JAK2: variants seen among roughly 807,000 people sequenced by gnomAD.
JAK2 encodes Janus kinase 2.
JAK2 carries 86 observed loss-of-function variants against 139.3 expected under a neutral mutation model. The ratio of observed to expected loss-of-function variants is 0.62; its 90% confidence interval spans 0.52 to 0.74. The LOEUF (loss-of-function observed/expected upper bound fraction) is 0.74. JAK2 is among the 30% of genes least tolerant of loss of function. The pLI is 0.00. For missense variants in JAK2, 1,421 were observed against 1,360.3 expected (o/e 1.04, Z -0.70); for synonymous variants, 490 against 437.7 (o/e 1.12, Z -1.49).
At chr9:4,994,815 A>G (rs1268663917) in intron 2 of JAK2, among the ~76,000 whole-genome samples, 2 of 152,192 alleles carry the variant, frequency 1.3e-5, no homozygotes, top group African/African-American at 4.8e-5. Flanking sequence ...CCTTTGGAAC[A>G]AAACTCTCTG....
intron 22 of JAK2, among the ~76,000 whole-genome samples, chr9:5,104,002 A>G (rs1821746477): frequency 6.6e-6 from 1 of 152,210 alleles, no homozygotes; most frequent in Admixed American, 6.5e-5. Flanking sequence ...ATCACAATTA[A>G]AAGAACTACA....
At chr9:5,123,211 C>A in intron 23 of JAK2, 90 bp downstream of exon 23, 1 of 748,520 alleles carries the variant, frequency 1.3e-6, no homozygotes, top group Non-Finnish European at 2.3e-6. Context: ...TTGCTACATG[C>A]ATACATTGCA....
intron 14 of JAK2, among the ~76,000 whole-genome samples, chr9:5,075,906 TG>T (rs1468140877): frequency 2.0e-5 from 3 of 152,156 alleles, no homozygotes; most frequent in Non-Finnish European, 4.4e-5. Context: ...ATAGCATTCA[TG>T]GTTCATGGAA....
At chr9:5,018,623 GC>G (rs1822220932) in intron 2 of JAK2, among the ~76,000 whole-genome samples, 2 of 152,208 alleles carry the variant, frequency 1.3e-5, no homozygotes, top group African/African-American at 4.8e-5. Flanking sequence ...ACAGGCTTGA[GC>G]CACTGTGCCT....
At chr9:4,992,579 T>C (rs1248207040) in intron 2 of JAK2, among the ~76,000 whole-genome samples, 1 of 152,200 alleles carries the variant, frequency 6.6e-6, no homozygotes, top group Middle Eastern at 3.2e-3. Context: ...GAGCTTCTCC[T>C]CAAAGGTCCC....
chr9:5,104,721 G>A (rs545293075), intron 22 of JAK2, among the ~76,000 whole-genome samples: 45 of 152,248 alleles, frequency 3.0e-4, no homozygotes, highest in African/African-American at 9.6e-4. Flanking sequence ...CGATCAAGTC[G>A]GCTTCATCCC....
At chr9:5,005,733 A>T (rs1587815212) in intron 2 of JAK2, among the ~76,000 whole-genome samples, 1 of 152,194 alleles carries the variant, frequency 6.6e-6, no homozygotes, top group African/African-American at 2.4e-5. Flanking sequence ...TATAAGCTCA[A>T]TGTTTCTTCC....
At chr9:5,014,036 C>T (rs1026399036) in intron 2 of JAK2, among the ~76,000 whole-genome samples, 1 of 151,856 alleles carries the variant, frequency 6.6e-6, no homozygotes, top group Non-Finnish European at 1.5e-5. Flanking sequence ...AGTTGTGTCT[C>T]TTAGAATTAT....
At chr9:5,069,752 A>G (rs2130527213) in intron 11 of JAK2, among the ~76,000 whole-genome samples, 173 bp from the exon 12 acceptor site, 2 of 152,300 alleles carry the variant, frequency 1.3e-5, no homozygotes, top group South Asian at 4.1e-4. Context: ...CTAAGAAGAA[A>G]TATCAAAGTT....
chr9:5,000,060 CT>C (rs2129826415), intron 2 of JAK2, among the ~76,000 whole-genome samples: 1 of 151,950 alleles, frequency 6.6e-6, no homozygotes, highest in South Asian at 2.1e-4. Flanking sequence ...GTTTTCATTT[CT>C]TTTGTGAAAT....
rs1353496335 is a variant in JAK2 at position 5,126,693 on chromosome 9, A to T, written c.3301A>T (p.Ile1101Phe). The T allele has an allele frequency of 6.2e-7, 1 of 1,607,730 alleles. No homozygotes were observed. Among genetic ancestry groups the T allele is most frequent in the Non-Finnish European group, 8.5e-7 (1 of 1,175,468 alleles). Residue 1101 changes from isoleucine (I) to phenylalanine (F), a missense_variant, in exon 25 of 25, where the codon ATC becomes TTC. Physicochemically the swap from Ile to Phe is conservative, Grantham distance 21 (BLOSUM62 0). Transcript: ENST00000381652. ...PDGCPDEIYMIMTECWNNNVN... is the reference protein window; with the variant it reads ...PDGCPDEIYMFMTECWNNNVN... Reference sequence around the variant, plus strand: ...ATTTTCTCCTTTACAGATCTATATGATCATGACAGAATGCTGGAACAATAA... The same window carrying T: ...ATTTTCTCCTTTACAGATCTATATGTTCATGACAGAATGCTGGAACAATAA...
At chr9:5,090,630 G>C (rs1820503372) in intron 21 of JAK2, 60 bp downstream of exon 21, 2 of 1,531,938 alleles carry the variant, frequency 1.3e-6, no homozygotes, top group Non-Finnish European at 1.8e-6. Context: ...TAGACATTAG[G>C]AAATCATCTA....
chr9:5,003,149 G>T (rs1456888877), intron 2 of JAK2, among the ~76,000 whole-genome samples: 1 of 151,866 alleles, frequency 6.6e-6, no homozygotes, highest in East Asian at 1.9e-4. Context: ...AAATCTTGAT[G>T]TCTGATAATA....
intron 19 of JAK2, among the ~76,000 whole-genome samples, chr9:5,082,148 A>G (rs544582025): frequency 2.0e-5 from 3 of 152,342 alleles, no homozygotes; most frequent in African/African-American, 7.2e-5. Flanking sequence ...AAGTGGGCCC[A>G]GGGGACCAGT....
chr9:5,008,355 C>G (rs191730423), intron 2 of JAK2, among the ~76,000 whole-genome samples: 14 of 152,240 alleles, frequency 9.2e-5, no homozygotes, highest in Admixed American at 5.9e-4. Context: ...GATATGCATT[C>G]TTCAGTTGTT....
chr9:5,003,598 TG>T (rs1821068464), intron 2 of JAK2, among the ~76,000 whole-genome samples: 1 of 152,094 alleles, frequency 6.6e-6, no homozygotes, highest in African/African-American at 2.4e-5. Flanking sequence ...ATTCACTCAG[TG>T]ATTGGTAGAT....
intron 18 of JAK2, 110 bp downstream of exon 18, chr9:5,080,793 G>A: frequency 1.3e-6 from 1 of 777,954 alleles, no homozygotes; most frequent in South Asian, 3.1e-5. Context: ...TGTCATTTGG[G>A]CCCTCTTAAT....
rs189130636 is a variant in JAK2 at position 5,114,758 on chromosome 9, G to T, written c.3060-8246G>T. 7.8e-5 allele frequency: 26 copies of T among 331,744 alleles called. No homozygotes were observed. The Admixed American group carries it at 1.0e-3, about 13-fold the overall frequency. The allele number at this position is 331,744 out of a possible 1,614,324, so 20.6% of individuals were successfully genotyped here. Reference sequence around the variant, plus strand: ...TCTGCTCTGTGGTCCATGAGACAGCGACTGGCTCACAGACCGTCAAGTAAC... The same window carrying T: ...TCTGCTCTGTGGTCCATGAGACAGCTACTGGCTCACAGACCGTCAAGTAAC... On this transcript the variant is annotated intron_variant, in intron 22 of 24. Coordinates refer to ENST00000381652, the MANE Select transcript of JAK2 (RefSeq NM_004972.4).
chr9:5,082,109 G>C (rs1819743220), intron 19 of JAK2, among the ~76,000 whole-genome samples: 1 of 150,614 alleles, frequency 6.6e-6, no homozygotes, highest in African/African-American at 2.5e-5. Flanking sequence ...AAAGAAAGAA[G>C]ACACAGAGAC....
Sources: allele counts gnomAD v4.1 joint callset (sites outside exome capture counted in the v4.1 genomes callset), GRCh38; gene constraint gnomAD v4.1.1; transcripts MANE v1.5; gene names NCBI Gene and HGNC (gene_info 2026-07-23, HGNC 2026-07-21).